Variants in OTULIN observed in about 807,000 individuals in gnomAD.
OTULIN encodes the protein ubiquitin thioesterase otulin.
OTULIN carries 15 observed loss-of-function variants against 39.6 expected under a neutral mutation model. The observed-to-expected ratio is 0.38, with a 90% CI of 0.25 to 0.58. The LOEUF is 0.58. OTULIN is among the 20% of genes least tolerant of loss of function. The pLI is 0.66. For synonymous variants in OTULIN, 156 were observed against 170.3 expected (o/e 0.92, Z 0.65); for missense variants, 319 against 445.9 (o/e 0.72, Z 2.56).
chr5:14,683,511 G>GT (rs1235727175), intron 4 of OTULIN, among the ~76,000 whole-genome samples: 1 of 152,162 alleles, frequency 6.6e-6, no homozygotes, highest in Non-Finnish European at 1.5e-5. Flanking sequence ...TGATTTCACT[G>GT]TTTTTGCTTT....
chr5:14,682,089 G>C (rs936431415), intron 4 of OTULIN, among the ~76,000 whole-genome samples: 1 of 152,238 alleles, frequency 6.6e-6, no homozygotes, highest in Non-Finnish European at 1.5e-5. Context: ...TTCCTGAGGA[G>C]CTGAGACTCA....
intron 3 of OTULIN, among the ~76,000 whole-genome samples, chr5:14,680,521 C>T (rs747044702): frequency 5.3e-5 from 8 of 152,120 alleles, no homozygotes; most frequent in Non-Finnish European, 8.8e-5. Flanking sequence ...GGGGCTGACT[C>T]GACCCAGGGT....
chr5:14,706,970 G>A, the OTULIN span: 13 of 152,172 alleles, frequency 8.5e-5, no homozygotes, highest in Non-Finnish European at 1.6e-4. Flanking sequence ...AACACTCCAC[G>A]TCTTTCAAAG....
chr5:14,693,438 T>TC lies in OTULIN; in HGVS notation c.*394dup, dbSNP rs1736586225. The stretch of plus-strand genomic sequence containing the variant: ...TTTTTTTAAGTACAGTATTTTTTTT[T>TC]CCCCTTTAGTAGTAACGGGTTTCTA... On this transcript the variant is annotated 3_prime_UTR_variant, in exon 7 of 7. Coordinates refer to ENST00000284274, the MANE Select transcript of OTULIN (RefSeq NM_138348.6). 1 of 167,016 alleles carries TC rather than the reference T, an allele frequency of 6.0e-6. No homozygotes were observed. Among genetic ancestry groups the TC allele is most frequent in the Non-Finnish European group, 1.3e-5 (1 of 77,704 alleles). 10.3% of individuals were successfully genotyped at this position (167,016 alleles called of 1,614,324 possible).
At chr5:14,686,695 A>G (rs1379335634) in intron 4 of OTULIN, among the ~76,000 whole-genome samples, 2 of 152,146 alleles carry the variant, frequency 1.3e-5, no homozygotes, top group African/African-American at 4.8e-5. Context: ...TTTTCTCCTG[A>G]CACACCCAAG....
At chr5:14,711,104 A>G in the OTULIN span, 4 of 1,173,424 alleles carry the variant, frequency 3.4e-6, no homozygotes, top group South Asian at 4.9e-5. Context: ...CAAAACAAAA[A>G]AAAGGGAACA....
In OTULIN at chr5:14,690,424, G is replaced by T. The variant is rs568338992; in HGVS notation, c.864+116G>T. 3.8e-5 allele frequency: 47 copies of T among 1,250,832 alleles called. No individual in the cohort carries two copies. The African/African-American group carries it at 6.0e-4, about 16-fold the overall frequency. 77.5% of individuals were successfully genotyped at this position (1,250,832 alleles called of 1,614,324 possible). On this transcript the variant is annotated intron_variant, in intron 6 of 6. Coordinates refer to ENST00000284274, the MANE Select transcript of OTULIN (RefSeq NM_138348.6). This position sits in a 1 kb window ranked among gnomAD's most constrained non-coding sequence, Gnocchi z 4.5. ...AGGGACAGCTTAGTTGGATGGTTCT[G>T]GCTCAGGATGTCATGAGGCTGCAGT... is the stretch of plus-strand genomic sequence containing the variant.
At chr5:14,677,629 T>C (rs1027893527) in intron 2 of OTULIN, among the ~76,000 whole-genome samples, 1 of 152,220 alleles carries the variant, frequency 6.6e-6, no homozygotes, top group Non-Finnish European at 1.5e-5. Flanking sequence ...TTTTTTTCAC[T>C]ATAACATTTG....
Position 14,694,774 on chromosome 5 carries a change from A to G in OTULIN, c.*1726A>G, listed in dbSNP as rs1164367337. The G allele has an allele frequency of 6.6e-6, 1 of 152,626 alleles. No homozygotes were observed. Among genetic ancestry groups the G allele is most frequent in the Non-Finnish European group, 1.5e-5 (1 of 68,046 alleles). 9.5% of individuals were successfully genotyped at this position (152,626 alleles called of 1,614,324 possible). A position where few individuals can be genotyped will look rare whatever the true frequency, so the allele number is the denominator to read the frequency against. On this transcript the variant is annotated 3_prime_UTR_variant, in exon 7 of 7. Coordinates refer to ENST00000284274, the MANE Select transcript of OTULIN (RefSeq NM_138348.6). Reference sequence around the variant, plus strand: ...ATGTTGGAGAGGCTTTGTGTTCTTCACTGTGAAATGCAATTGTGCCTTGAA... The same window carrying G: ...ATGTTGGAGAGGCTTTGTGTTCTTCGCTGTGAAATGCAATTGTGCCTTGAA...
chr5:14,666,557 A>G (rs567530008), intron 1 of OTULIN, among the ~76,000 whole-genome samples: 1 of 152,354 alleles, frequency 6.6e-6, no homozygotes, highest in East Asian at 1.9e-4. Flanking sequence ...GACATGATTT[A>G]TAGTGACAGC....
At position 14,697,946 on chromosome 5, in the gene OTULIN, A is replaced by T. The variant is rs1736714544; in HGVS notation, c.*4898A>T. ...TAATTTTAGGAGTTTTCATTTACAT[A>T]TTGAAAAATGCCTTGACTGTATTCA... On this transcript the variant is annotated 3_prime_UTR_variant, in exon 7 of 7. Coordinates refer to ENST00000284274, the MANE Select transcript of OTULIN (RefSeq NM_138348.6). 6.6e-6 allele frequency: 1 copy of T among 152,222 alleles called. No homozygotes were observed. Among genetic ancestry groups the T allele is most frequent in the Non-Finnish European group, 1.5e-5 (1 of 68,034 alleles). 9.4% of individuals were successfully genotyped at this position (152,222 alleles called of 1,614,324 possible). A position where few individuals can be genotyped will look rare whatever the true frequency, so the allele number is the denominator to read the frequency against.
At chr5:14,709,916 A>C in the OTULIN span, 1 of 152,508 alleles carries the variant, frequency 6.6e-6, no homozygotes, top group African/African-American at 2.4e-5. Context: ...TATCTTTAAA[A>C]TATTTTTTTT....
intron 4 of OTULIN, among the ~76,000 whole-genome samples, chr5:14,682,791 T>G (rs1367609540): frequency 6.6e-6 from 1 of 152,176 alleles, no homozygotes; most frequent in East Asian, 1.9e-4. Context: ...AAAGGAATGA[T>G]TCTAAGAATT....
chr5:14,711,397 T>G, the OTULIN span: 2 of 1,164,564 alleles, frequency 1.7e-6, no homozygotes, highest in Non-Finnish European at 2.6e-6. Context: ...CACCGGGGTC[T>G]TGGGGGACCC....
In OTULIN at chr5:14,677,341, C is replaced by T. The variant is rs1228706521; in HGVS notation, c.230-1340C>T. The stretch of plus-strand genomic sequence containing the variant: ...CAATATTTGGTACATTTTAGACACT[C>T]AGTAAATATTTGTTGAATTTAGTTG... On this transcript the variant is annotated intron_variant, in intron 2 of 6. Transcript: ENST00000284274. 2.6e-5 allele frequency among the ~76,000 whole-genome samples: 4 copies of T among 152,172 alleles called. No homozygotes were observed. In the East Asian group the frequency reaches 5.8e-4, roughly 22 times the overall value.
chr5:14,669,756 G>A (rs1033870768), intron 1 of OTULIN, among the ~76,000 whole-genome samples: 6 of 152,316 alleles, frequency 3.9e-5, no homozygotes, highest in African/African-American at 1.4e-4. Context: ...GGGCAACAGA[G>A]TGAGACCCTT....
At chr5:14,683,390 CT>C (rs1345394478) in intron 4 of OTULIN, among the ~76,000 whole-genome samples, 15 of 152,188 alleles carry the variant, frequency 9.9e-5, no homozygotes, top group Middle Eastern at 3.2e-3. Flanking sequence ...ATATACTAAG[CT>C]GTTTTTTCTT....
chr5:14,685,720 T>A (rs890527221), intron 4 of OTULIN, among the ~76,000 whole-genome samples: 2 of 152,212 alleles, frequency 1.3e-5, no homozygotes, highest in Admixed American at 6.5e-5. Context: ...TGTACCTACT[T>A]TTTAGATAAC....
intron 5 of OTULIN, among the ~76,000 whole-genome samples, chr5:14,688,338 T>C (rs1171701224): frequency 6.6e-6 from 1 of 151,968 alleles, no homozygotes; most frequent in East Asian, 1.9e-4. Flanking sequence ...AGGGTGTCGG[T>C]GGAGGGTGGT....
Sources: allele counts gnomAD v4.1 joint callset (sites outside exome capture counted in the v4.1 genomes callset), GRCh38; gene constraint gnomAD v4.1.1; non-coding constraint Gnocchi (gnomAD v3.1); transcripts MANE v1.5; gene names NCBI Gene and HGNC (gene_info 2026-07-23, HGNC 2026-07-21).